The following PALM2AKAP2 variants were observed in gnomAD, a reference collection of about 807,000 sequenced individuals.
PALM2AKAP2 encodes PALM2-AKAP2 fusion protein.
Under a neutral mutation model 71.5 loss-of-function variants are expected in PALM2AKAP2, and 37 were observed. That is an observed-to-expected ratio of 0.52 (90% confidence interval 0.40 to 0.68). PALM2AKAP2 has a LOEUF of 0.68. PALM2AKAP2 is among the 30% of genes least tolerant of loss of function. The pLI is 0.00. For synonymous variants in PALM2AKAP2, 468 were observed against 478.8 expected (o/e 0.98, Z 0.29); for missense variants, 1,224 against 1,191.8 (o/e 1.03, Z -0.40).
intron 1 of PALM2AKAP2, among the ~76,000 whole-genome samples, chr9:109,786,822 A>G (rs536606881): frequency 3.3e-5 from 5 of 152,332 alleles, no homozygotes; most frequent in Admixed American, 2.6e-4. Flanking sequence ...ATCATAGAAA[A>G]AGCTAAGTGA....
chr9:109,920,226 G>A (rs180846431), intron 3 of PALM2AKAP2, among the ~76,000 whole-genome samples: 2 of 152,308 alleles, frequency 1.3e-5, no homozygotes, highest in Non-Finnish European at 1.5e-5. Context: ...TGCGGCCAGT[G>A]CCAAGGGACT....
intron 7 of PALM2AKAP2, among the ~76,000 whole-genome samples, chr9:110,023,990 A>G (rs1430487929): frequency 6.6e-6 from 1 of 152,186 alleles, no homozygotes; most frequent in African/African-American, 2.4e-5. Flanking sequence ...CATAATTTTC[A>G]TTGCATAATA....
intron 1 of PALM2AKAP2, among the ~76,000 whole-genome samples, chr9:109,642,507 C>T (rs1242889825): frequency 6.7e-6 from 1 of 148,364 alleles, no homozygotes; most frequent in Non-Finnish European, 1.5e-5. Context: ...ATTACTGTTG[C>T]ACCAACCTAA....
chr9:109,729,092 C>T (rs1828515993), intron 1 of PALM2AKAP2, among the ~76,000 whole-genome samples: 1 of 152,152 alleles, frequency 6.6e-6, no homozygotes, highest in African/African-American at 2.4e-5. Context: ...GAGGACATTT[C>T]CAAGATTTTT....
chr9:110,024,521 C>G (rs557720354), intron 7 of PALM2AKAP2, among the ~76,000 whole-genome samples: 2 of 152,050 alleles, frequency 1.3e-5, no homozygotes, highest in Non-Finnish European at 2.9e-5. Context: ...TGGTGGCTTA[C>G]GCCTGTGATC....
intron 1 of PALM2AKAP2, among the ~76,000 whole-genome samples, chr9:110,112,338 A>T (rs1475748153): frequency 6.6e-6 from 1 of 152,190 alleles, no homozygotes; most frequent in Non-Finnish European, 1.5e-5. Flanking sequence ...TTGGCTCTCA[A>T]CTGTGCCCCT....
chr9:109,995,936 G>C (rs2132255957), intron 6 of PALM2AKAP2, among the ~76,000 whole-genome samples: 1 of 152,300 alleles, frequency 6.6e-6, no homozygotes, highest in Admixed American at 6.5e-5. Context: ...GATACTGCAG[G>C]TCCCAGCTTC....
intron 1 of PALM2AKAP2, among the ~76,000 whole-genome samples, chr9:110,069,478 T>C (rs1268940762): frequency 6.6e-6 from 1 of 152,206 alleles, no homozygotes; most frequent in East Asian, 1.9e-4. Context: ...CCACTCCATG[T>C]CATTCTTGTG....
chr9:109,643,324 G>C (rs1488580839), intron 1 of PALM2AKAP2, among the ~76,000 whole-genome samples: 1 of 152,190 alleles, frequency 6.6e-6, no homozygotes, highest in African/African-American at 2.4e-5. Context: ...ACTGAACATA[G>C]ATCTAGTCCT....
chr9:109,936,644 T>G (rs1831224662), intron 6 of PALM2AKAP2, among the ~76,000 whole-genome samples: 1 of 152,248 alleles, frequency 6.6e-6, no homozygotes, highest in African/African-American at 2.4e-5. Flanking sequence ...ACTTATGATC[T>G]GCTTCTCTCC....
At chr9:109,872,702 C>A (rs1395928309) in intron 2 of PALM2AKAP2, among the ~76,000 whole-genome samples, 1 of 152,152 alleles carries the variant, frequency 6.6e-6, no homozygotes, top group Non-Finnish European at 1.5e-5. Context: ...TGTTGTCAAC[C>A]CACTAAGGTC....
chr9:110,095,569 G>GA (rs1376373342), intron 1 of PALM2AKAP2, among the ~76,000 whole-genome samples: 1 of 152,070 alleles, frequency 6.6e-6, no homozygotes, highest in Non-Finnish European at 1.5e-5. Context: ...CCTCAGCTAT[G>GA]AAAACAGATC....
chr9:110,057,420 C>T (rs188438565), intron 1 of PALM2AKAP2, among the ~76,000 whole-genome samples: 5 of 149,312 alleles, frequency 3.3e-5, no homozygotes, highest in African/African-American at 1.2e-4. Flanking sequence ...ACTCGCTCTG[C>T]CATGCTGGAG....
intron 7 of PALM2AKAP2, among the ~76,000 whole-genome samples, chr9:110,017,270 G>C (rs1024106847): frequency 6.6e-6 from 1 of 152,236 alleles, no homozygotes; most frequent in East Asian, 1.9e-4. Flanking sequence ...GGCTAAACTT[G>C]TGTTGTCTAT....
chr9:110,064,406 G>A (rs1041197810), intron 1 of PALM2AKAP2, among the ~76,000 whole-genome samples: 1 of 152,182 alleles, frequency 6.6e-6, no homozygotes, highest in African/African-American at 2.4e-5. Context: ...AACACATTGG[G>A]TCCTAGGCAC....
chr9:109,789,749 A>G lies in PALM2AKAP2; in HGVS notation c.45+9216A>G, dbSNP rs142981974. 3.1e-3 allele frequency among the ~76,000 whole-genome samples: 475 copies of G among 152,300 alleles called. 1 individual carries two copies. Among genetic ancestry groups the G allele is most frequent in the Non-Finnish European group, 5.2e-3 (354 of 68,018 alleles). On this transcript the variant is annotated intron_variant, in intron 1 of 9. Transcript: ENST00000302798. ...GGAGAAGACCACACAGCTGAGATCT[A>G]TTTCTGACAGGAAATGCCGGCAGGA...
At chr9:109,883,437 C>T (rs771201402) in intron 3 of PALM2AKAP2, among the ~76,000 whole-genome samples, 2 of 152,156 alleles carry the variant, frequency 1.3e-5, no homozygotes, top group Non-Finnish European at 2.9e-5. Context: ...ATGAGCTGTG[C>T]TCCCTGGAGC....
At chr9:109,925,731 C>G (rs951609001) in intron 5 of PALM2AKAP2, among the ~76,000 whole-genome samples, 1 of 152,138 alleles carries the variant, frequency 6.6e-6, no homozygotes, top group South Asian at 2.1e-4. Context: ...GTCCTCTCCT[C>G]TCCTTACCTG....
chr9:109,889,326 CCTAT>C (rs1830036395), intron 3 of PALM2AKAP2, among the ~76,000 whole-genome samples: 1 of 152,174 alleles, frequency 6.6e-6, no homozygotes, highest in African/African-American at 2.4e-5. Context: ...CGGATCAACT[CCTAT>C]CTGATTCTTG....
Sources: allele counts gnomAD v4.1 joint callset (sites outside exome capture counted in the v4.1 genomes callset), GRCh38; gene constraint gnomAD v4.1.1; transcripts MANE v1.5; gene names NCBI Gene and HGNC (gene_info 2026-07-23, HGNC 2026-07-21).